Variants in PDE10A observed in about 807,000 individuals in gnomAD.
PDE10A encodes the protein phosphodiesterase 10A.
PDE10A carries 39 observed loss-of-function variants against 97.7 expected under a neutral mutation model. The observed-to-expected ratio is 0.40, with a 90% CI of 0.31 to 0.52. The LOEUF is 0.52. Among genes scored for constraint, PDE10A ranks in the 20% least tolerant of loss-of-function variants. The pLI is 0.56. For missense variants in PDE10A, 731 were observed against 1,047.8 expected, an observed-to-expected ratio of 0.70 and a Z score of 4.17; for synonymous variants, 371 against 376.8, an observed-to-expected ratio of 0.98 and a Z score of 0.18.
chr6:165,734,417 T>G (rs971743435), intron 1 of PDE10A, among the ~76,000 whole-genome samples: 9 of 152,088 alleles, frequency 5.9e-5, no homozygotes, highest in Non-Finnish European at 1.2e-4. Flanking sequence ...AAATGAAGGT[T>G]AGCACTCCCA....
chr6:165,687,510 T>C (rs1283490485), intron 1 of PDE10A, among the ~76,000 whole-genome samples: 1 of 152,194 alleles, frequency 6.6e-6, no homozygotes, highest in African/African-American at 2.4e-5. Flanking sequence ...ACTGGACTCT[T>C]CCACTAGTTC....
At chr6:165,561,748 T>C (rs1784534593) in intron 1 of PDE10A, among the ~76,000 whole-genome samples, 1 of 152,292 alleles carries the variant, frequency 6.6e-6, no homozygotes, top group South Asian at 2.1e-4. Flanking sequence ...TTTTCTCCCA[T>C]TGGTGCCAGA....
At chr6:165,609,394 C>CA (rs1199868656) in intron 1 of PDE10A, among the ~76,000 whole-genome samples, 3 of 152,182 alleles carry the variant, frequency 2.0e-5, no homozygotes, top group African/African-American at 7.2e-5. Context: ...AAACCACAGC[C>CA]AATATCATAC....
intron 5 of PDE10A, among the ~76,000 whole-genome samples, chr6:165,447,064 G>A (rs1219087937): frequency 6.6e-6 from 1 of 151,984 alleles, no homozygotes; most frequent in Non-Finnish European, 1.5e-5. Flanking sequence ...ACTTCATTGA[G>A]GCCAGTGTAT....
At chr6:165,400,410 G>T (rs1179297753) in intron 13 of PDE10A, among the ~76,000 whole-genome samples, 4 of 152,098 alleles carry the variant, frequency 2.6e-5, no homozygotes, top group African/African-American at 9.7e-5. Flanking sequence ...ACAAGCCAAA[G>T]ACTGCGAGCA....
intron 21 of PDE10A, among the ~76,000 whole-genome samples, chr6:165,334,144 G>C (rs191352801): frequency 6.6e-6 from 1 of 152,202 alleles, no homozygotes; most frequent in Non-Finnish European, 1.5e-5. Flanking sequence ...CTTTTTAAGC[G>C]TTAATAAGAT....
intron 1 of PDE10A, among the ~76,000 whole-genome samples, chr6:165,842,775 A>G (rs569863219): frequency 6.6e-6 from 1 of 152,352 alleles, no homozygotes; most frequent in South Asian, 2.1e-4. Flanking sequence ...TAGTGGTGGA[A>G]GAGGCAAGAG....
chr6:165,750,574 CT>C (rs1469262579), intron 1 of PDE10A, among the ~76,000 whole-genome samples: 1 of 152,200 alleles, frequency 6.6e-6, no homozygotes, highest in African/African-American at 2.4e-5. Flanking sequence ...TTTCAATCGC[CT>C]CGTGAGTTCC....
intron 1 of PDE10A, chr6:165,986,117 C>T: frequency 6.5e-6 from 1 of 153,050 alleles, no homozygotes. Context: ...CCTTGCTCCT[C>T]GCTGCTGTCC....
At chr6:165,763,391 C>T (rs7746347) in intron 1 of PDE10A, among the ~76,000 whole-genome samples, 21,288 of 152,144 alleles carry the variant, frequency 0.14, 2,282 homozygotes, top group African/African-American at 0.29. Context: ...GGCATGATCT[C>T]GGCTCACTGC....
At chr6:165,486,129 G>GCA (rs1187907519) in intron 2 of PDE10A, among the ~76,000 whole-genome samples, 1 of 152,156 alleles carries the variant, frequency 6.6e-6, no homozygotes, top group East Asian at 1.9e-4. Context: ...ATCACCAATG[G>GCA]CACACAATCC....
intron 1 of PDE10A, among the ~76,000 whole-genome samples, chr6:165,615,358 G>A (rs1475423253): frequency 6.6e-6 from 1 of 151,994 alleles, no homozygotes; most frequent in Admixed American, 6.6e-5. Flanking sequence ...CAATTTCAAT[G>A]TCGGTTTTCT....
chr6:165,677,174 C>T (rs1316133904), intron 1 of PDE10A, among the ~76,000 whole-genome samples: 1 of 152,198 alleles, frequency 6.6e-6, no homozygotes, highest in Non-Finnish European at 1.5e-5. Flanking sequence ...AAAGCAGAGA[C>T]CCTGTCCACG....
At chr6:165,896,254 C>T (rs920334479) in intron 1 of PDE10A, among the ~76,000 whole-genome samples, 2 of 152,120 alleles carry the variant, frequency 1.3e-5, no homozygotes, top group African/African-American at 4.8e-5. Flanking sequence ...CAGATCTTGT[C>T]GTCCTACTAA....
intron 3 of PDE10A, among the ~76,000 whole-genome samples, chr6:165,473,734 G>GA (rs1273080771): frequency 2.6e-5 from 4 of 151,996 alleles, no homozygotes; most frequent in East Asian, 3.8e-4. Flanking sequence ...ATATTTAATA[G>GA]AAAAAAATAA....
intron 1 of PDE10A, among the ~76,000 whole-genome samples, chr6:165,836,462 G>T (rs575407804): frequency 3.3e-5 from 5 of 152,164 alleles, no homozygotes; most frequent in Non-Finnish European, 7.3e-5. Flanking sequence ...ATACTCCAGC[G>T]GTCAGGCAGC....
intron 1 of PDE10A, among the ~76,000 whole-genome samples, chr6:165,640,072 G>GAAAA (rs58783268): frequency 7.2e-6 from 1 of 138,696 alleles, no homozygotes; most frequent in Non-Finnish European, 1.6e-5. Flanking sequence ...TCTGTCACCA[G>GAAAA]AAAAAAAAAA....
chr6:165,629,518 A>G (rs1446020572), intron 1 of PDE10A, among the ~76,000 whole-genome samples: 1 of 142,674 alleles, frequency 7.0e-6, no homozygotes, highest in Non-Finnish European at 1.5e-5. Context: ...GAATATTAAC[A>G]ACCTTTTTTT....
rs1791900742 is a variant in PDE10A, at chr6:165,711,753, C to T, written c.-614-168185G>A. Among the ~76,000 whole-genome samples, 1 of 152,208 alleles carries T rather than the reference C, an allele frequency of 6.6e-6. No individual in the cohort carries two copies. Among genetic ancestry groups the T allele is most frequent in the Admixed American group, 6.5e-5 (1 of 15,290 alleles). ...ACAACCCAGGAACTGTGCTAATTCA[C>T]TCGTCAGACCAGCGAACCTCAAATG... On this transcript the variant is annotated intron_variant, in intron 1 of 19. Transcript: ENST00000366882. The surrounding 1 kb of genome is among the most constrained non-coding windows in gnomAD (Gnocchi z 4.5).
Sources: allele counts gnomAD v4.1 joint callset (sites outside exome capture counted in the v4.1 genomes callset), GRCh38; gene constraint gnomAD v4.1.1; non-coding constraint Gnocchi (gnomAD v3.1); transcripts MANE v1.5; gene names NCBI Gene and HGNC (gene_info 2026-07-23, HGNC 2026-07-21).